The following ABAT variants were observed in gnomAD, a reference collection of about 807,000 sequenced individuals.
ABAT encodes 4-aminobutyrate aminotransferase, also known as 4-aminobutyrate aminotransferase, mitochondrial.
A neutral mutation model predicts 64.6 loss-of-function variants in ABAT; 45 were observed. The ratio of observed to expected loss-of-function variants is 0.70; its 90% CI spans 0.55 to 0.89. ABAT has a LOEUF of 0.89. Ranked by LOEUF, ABAT falls within the 40% of genes least tolerant of loss-of-function variation. The pLI is 0.00. For synonymous variants in ABAT, 297 were observed against 250.5 expected (o/e 1.19, Z -1.75); for missense variants, 633 against 658.4 (o/e 0.96, Z 0.42).
At chr16:8,762,165 C>G (rs1024655960) in intron 6 of ABAT, among the ~76,000 whole-genome samples, 12 of 152,120 alleles carry the variant, frequency 7.9e-5, no homozygotes, top group African/African-American at 2.9e-4. Context: ...TGCCCGACCT[C>G]CAGTTACTAT....
chr16:8,772,939 T>C, intron 12 of ABAT, 22 bp downstream of exon 12: 13 of 1,612,752 alleles, frequency 8.1e-6, no homozygotes, highest in East Asian at 2.2e-5. Context: ...GGGCCGAGGT[T>C]GGATGGAGCC....
intron 6 of ABAT, among the ~76,000 whole-genome samples, chr16:8,763,623 C>T (rs1187871213): frequency 1.3e-5 from 2 of 152,194 alleles, no homozygotes; most frequent in Admixed American, 6.5e-5. Flanking sequence ...AGGCTGGTCT[C>T]GAACTCCTGG....
intron 10 of ABAT, 145 bp from the exon 11 acceptor site, chr16:8,768,680 G>A (rs191598673): frequency 2.5e-5 from 28 of 1,139,070 alleles, no homozygotes; most frequent in Non-Finnish European, 3.3e-5. Context: ...AAAATTAAAC[G>A]ATAAAAAGAA....
At chr16:8,677,010 G>T (rs568547066) in intron 1 of ABAT, among the ~76,000 whole-genome samples, 1 of 152,256 alleles carries the variant, frequency 6.6e-6, no homozygotes, top group African/African-American at 2.4e-5. Context: ...TGGTTGTTGT[G>T]CCCCAACTTT....
intron 6 of ABAT, among the ~76,000 whole-genome samples, chr16:8,762,009 T>C (rs922927190): frequency 6.6e-6 from 1 of 151,592 alleles, no homozygotes; most frequent in African/African-American, 2.4e-5. Flanking sequence ...TTCTTCTCCT[T>C]CTTCTTCTTT....
chr16:8,743,123 T>C (rs1295002562), intron 2 of ABAT, among the ~76,000 whole-genome samples: 1 of 151,836 alleles, frequency 6.6e-6, no homozygotes, highest in Admixed American at 6.6e-5. Context: ...AAAAGCTGTT[T>C]TTCTTCATCC....
chr16:8,723,317 A>T (rs1460224114), intron 1 of ABAT, among the ~76,000 whole-genome samples: 2 of 152,212 alleles, frequency 1.3e-5, no homozygotes, highest in African/African-American at 4.8e-5. Flanking sequence ...AAGTTGGACC[A>T]GAGCATGTTG....
At chr16:8,756,406 T>G (rs2059650382) in intron 5 of ABAT, among the ~76,000 whole-genome samples, 1 of 152,102 alleles carries the variant, frequency 6.6e-6, no homozygotes, top group Non-Finnish European at 1.5e-5. Flanking sequence ...TTTTTCTTTT[T>G]TTATTTCTTC....
chr16:8,777,883 CAGG>C (rs2060312847), intron 14 of ABAT, among the ~76,000 whole-genome samples: 1 of 152,174 alleles, frequency 6.6e-6, no homozygotes, highest in Non-Finnish European at 1.5e-5. Context: ...GAGGCAGAAG[CAGG>C]AGGATTGCCT....
In ABAT at chr16:8,781,221, G is replaced by T; in HGVS notation, c.1382-88G>T. 6.3e-7 allele frequency: 1 copy of T among 1,591,160 alleles called. No individual in the cohort carries two copies. The highest frequency in any genetic ancestry group is 1.1e-5 in the South Asian group (1 of 90,590). On this transcript the variant is annotated intron_variant, in intron 15 of 15. Coordinates refer to ENST00000268251, the MANE Select transcript of ABAT (RefSeq NM_020686.6). The surrounding 1 kb of genome is among the most constrained non-coding windows in gnomAD (Gnocchi z 4.5). Reference sequence around the variant, plus strand: ...TGGATGGATGGATGGATGGATGAGCGTTGCCAACAGGCATCACTTTCCCCC... The same window carrying T: ...TGGATGGATGGATGGATGGATGAGCTTTGCCAACAGGCATCACTTTCCCCC...
At chr16:8,719,649 A>T (rs1359904061) in intron 1 of ABAT, among the ~76,000 whole-genome samples, 1 of 152,198 alleles carries the variant, frequency 6.6e-6, no homozygotes, top group Non-Finnish European at 1.5e-5. Flanking sequence ...AATAGTCTTT[A>T]GCAGCTCATC....
At chr16:8,740,337 C>T (rs1255526909) in intron 2 of ABAT, among the ~76,000 whole-genome samples, 4 of 152,150 alleles carry the variant, frequency 2.6e-5, no homozygotes, top group Non-Finnish European at 5.9e-5. Flanking sequence ...GGCTCAAGGT[C>T]TGTCATGAGG....
chr16:8,762,016 C>G (rs1436722477), intron 6 of ABAT, among the ~76,000 whole-genome samples: 3 of 150,674 alleles, frequency 2.0e-5, no homozygotes, highest in African/African-American at 7.3e-5. Flanking sequence ...CCTTCTTCTT[C>G]TTTCTTCTTT....
chr16:8,694,193 ATTT>A (rs35832558), intron 1 of ABAT, among the ~76,000 whole-genome samples: 24 of 131,124 alleles, frequency 1.8e-4, no homozygotes, highest in African/African-American at 5.3e-4. Flanking sequence ...CAATGCCCAG[ATTT>A]TTTTTTTTTT....
chr16:8,766,343 G>C lies in ABAT; in HGVS notation c.603+73G>C. 11 of 1,474,230 alleles carry C rather than the reference G, an allele frequency of 7.5e-6. 1 individual carries two copies. In the South Asian group the frequency reaches 9.3e-5, roughly 12 times the overall value. The allele number at this position is 1,474,230 out of a possible 1,614,324, so 91.3% of individuals were successfully genotyped here. On this transcript the variant is annotated intron_variant, in intron 9 of 15. Coordinates refer to ENST00000268251, the MANE Select transcript of ABAT (RefSeq NM_020686.6). ...GCCTCTCCCGGGCTGTTGCTGGCTG[G>C]CTGGCACTGTCCTCAATTAGGAAGG...
chr16:8,756,447 C>A (rs76501167), intron 5 of ABAT, among the ~76,000 whole-genome samples: 3,663 of 151,954 alleles, frequency 0.024, 152 homozygotes, highest in African/African-American at 0.082. Flanking sequence ...ATGTGTAGAA[C>A]CTGCCGGTTT....
Position 8,781,352 on chromosome 16 carries a change from T to C in ABAT, c.1425T>C (p.Arg475=). 1 of 1,614,118 alleles carries C rather than the reference T, an allele frequency of 6.2e-7. No individual in the cohort carries two copies. Among genetic ancestry groups the C allele is most frequent in the Non-Finnish European group, 8.5e-7 (1 of 1,179,986 alleles). The change falls in exon 16 of 16, where the codon CGT becomes CGC. Residue 475 remains arginine, a synonymous_variant. Coordinates refer to ENST00000268251, the MANE Select transcript of ABAT (RefSeq NM_020686.6). This position sits in a 1 kb window ranked among gnomAD's most constrained non-coding sequence, Gnocchi z 4.5. ...GGCGDKSIRF[R]PTLVFRDHHA... is the part of the protein sequence containing the mutation. ...GTGGTGACAAATCCATTCGTTTCCGTCCCACGCTGGTCTTCAGGGATCACC... is the reference window on the plus strand; with the variant it reads ...GTGGTGACAAATCCATTCGTTTCCGCCCCACGCTGGTCTTCAGGGATCACC...
chr16:8,753,384 C>T lies in ABAT; in HGVS notation c.316+2845C>T, dbSNP rs113339221. On this transcript the variant is annotated intron_variant, in intron 5 of 15. Transcript: ENST00000268251. ...TGCTAGGAATACAGGCGTGAGCCACCGCGCCTGGCCCTCCCAAGCTTATTT... is the reference window on the plus strand; with the variant it reads ...TGCTAGGAATACAGGCGTGAGCCACTGCGCCTGGCCCTCCCAAGCTTATTT... Among the ~76,000 whole-genome samples, 158 of 152,296 alleles carry T rather than the reference C, an allele frequency of 1.0e-3. 1 individual carries two copies. Among genetic ancestry groups the T allele is most frequent in the African/African-American group, 3.3e-3 (136 of 41,564 alleles).
chr16:8,726,232 T>G (rs986686526), intron 1 of ABAT, among the ~76,000 whole-genome samples: 1 of 149,822 alleles, frequency 6.7e-6, no homozygotes, highest in Non-Finnish European at 1.5e-5. Context: ...TGATCTCCAG[T>G]TCCATCCACG....
Sources: allele counts gnomAD v4.1 joint callset (sites outside exome capture counted in the v4.1 genomes callset), GRCh38; gene constraint gnomAD v4.1.1; non-coding constraint Gnocchi (gnomAD v3.1); transcripts MANE v1.5; gene names NCBI Gene and HGNC (gene_info 2026-07-23, HGNC 2026-07-21).